Variants in NLRP12 observed in about 807,000 individuals in gnomAD.
NLRP12 encodes NACHT, LRR and PYD domains-containing protein 12.
A neutral mutation model predicts 91.2 loss-of-function variants in NLRP12; 108 were observed. The observed-to-expected ratio is 1.18, with a 90% CI of 1.01 to 1.39. The LOEUF is 1.39. NLRP12 is among the 40% of genes most tolerant of loss of function. The pLI, the probability that NLRP12 is intolerant of heterozygous loss-of-function variation, is 0.00. For missense variants in NLRP12, 1,530 were observed against 1,352.7 expected, an observed-to-expected ratio of 1.13 and a Z score of -2.06; for synonymous variants, 613 against 566.7, an observed-to-expected ratio of 1.08 and a Z score of -1.16.
Position 53,809,963 on chromosome 19 carries a change from GT to G in NLRP12, c.1695del (p.Leu566SerfsTer2), listed in dbSNP as rs767144653. Reference sequence around the variant, plus strand: ...TGGCTCCTGGTCTCCTCGTTCAGGAGTCCAAACAGGAAGCGGCTGGTGAGTG... The same window carrying G: ...TGGCTCCTGGTCTCCTCGTTCAGGAGCCAAACAGGAAGCGGCTGGTGAGTG... Reference protein sequence around the residue: ...FLALTSRFLFGLLNEETRSHL... With the variant: ...FLALTSRFLFXLLNEETRSHL... On this transcript the variant is annotated frameshift_variant, in exon 3 of 10. Coordinates refer to ENST00000324134, the MANE Select transcript of NLRP12 (RefSeq NM_144687.4). LOFTEE classifies it high-confidence loss of function. 1.9e-6 allele frequency: 3 copies of G among 1,614,146 alleles called. 1 individual carries two copies. The highest frequency in any genetic ancestry group is 2.5e-6 in the Non-Finnish European group (3 of 1,180,042).
At chr19:53,799,576 C>T (rs1416355647) in intron 7 of NLRP12, among the ~76,000 whole-genome samples, 8 of 151,618 alleles carry the variant, frequency 5.3e-5, no homozygotes, top group South Asian at 2.1e-4. Context: ...CTCCGGCTCC[C>T]GGGTTCAAGC....
chr19:53,811,436 C>T (rs776324649), intron 2 of NLRP12, 148 bp from the exon 3 acceptor site: 38 of 896,924 alleles, frequency 4.2e-5, no homozygotes, highest in Non-Finnish European at 5.7e-5. Context: ...ATCACTTGAA[C>T]CCCTGAGGTG....
intron 9 of NLRP12, 59 bp from the exon 10 acceptor site, chr19:53,794,195 C>G (rs2091703340): frequency 1.8e-6 from 2 of 1,106,124 alleles, no homozygotes; most frequent in African/African-American, 1.5e-5. Context: ...AATTAATAAG[C>G]CTTAAGTATC....
chr19:53,810,141 A>T lies in NLRP12; in HGVS notation c.1518T>A (p.Cys506Ter), dbSNP rs757697839. Residue 506 changes from cysteine to a stop codon, truncating the protein, a stop_gained, in exon 3 of 10, where the codon TGT becomes TGA. Coordinates refer to ENST00000324134, the MANE Select transcript of NLRP12 (RefSeq NM_144687.4). LOFTEE classifies it high-confidence loss of function. ...NMNIFQKDINCERYYSFIHLS... is the reference protein window; with the variant it reads ...NMNIFQKDIN ...AGTGGATGAAGCTGTAGTACCTCTCACAGTTGATGTCCTTCTGGAAGATGT... is the reference window on the plus strand; with the variant it reads ...AGTGGATGAAGCTGTAGTACCTCTCTCAGTTGATGTCCTTCTGGAAGATGT... 12 of 1,613,996 alleles carry T rather than the reference A, an allele frequency of 7.4e-6. No homozygotes were observed. The Admixed American group carries it at 2.0e-4, about 27-fold the overall frequency.
chr19:53,802,012 G>A (rs2091883582), intron 6 of NLRP12, among the ~76,000 whole-genome samples: 2 of 152,036 alleles, frequency 1.3e-5, no homozygotes, highest in Admixed American at 1.3e-4. Context: ...TGGATCACCT[G>A]AGGTTGGGAG....
chr19:53,807,162 G>T (rs1188908212), intron 4 of NLRP12, among the ~76,000 whole-genome samples: 4 of 151,828 alleles, frequency 2.6e-5, no homozygotes, highest in African/African-American at 9.7e-5. Context: ...CCGCCTCCCA[G>T]GTTCAAGCGA....
chr19:53,809,117 T>A (rs2122649503), intron 3 of NLRP12, among the ~76,000 whole-genome samples: 1 of 151,330 alleles, frequency 6.6e-6, no homozygotes. Flanking sequence ...TCCCAGCTAC[T>A]CAGGAGGCTG....
chr19:53,823,402 A>ATTTAAAATATATATTTAAAATATATT (rs2092290984), intron 1 of NLRP12, among the ~76,000 whole-genome samples: 4 of 132,980 alleles, frequency 3.0e-5, no homozygotes, highest in African/African-American at 8.4e-5. Flanking sequence ...TTAAATATAT[A>ATTTAAAATATATATTTAAAATATATT]TTTAAAATAT....
At chr19:53,815,224 T>TA (rs2092139972) in intron 1 of NLRP12, among the ~76,000 whole-genome samples, 2 of 128,118 alleles carry the variant, frequency 1.6e-5, no homozygotes, top group Non-Finnish European at 3.2e-5. Context: ...ATCCAATCAG[T>TA]CTTTTTTTTT....
Position 53,810,520 on chromosome 19 carries a change from T to C in NLRP12, c.1139A>G (p.Asn380Ser), listed in dbSNP as rs749759858. 3.1e-6 allele frequency: 5 copies of C among 1,614,110 alleles called. No homozygotes were observed. The highest frequency in any genetic ancestry group is 4.2e-6 in the Non-Finnish European group (5 of 1,180,000). Reference protein sequence around the residue: ...RKEYFYKYFHNAEQAGQVFNY... With the variant: ...RKEYFYKYFHSAEQAGQVFNY... ...GAAGACTTGGCCCGCCTGCTCTGCA[T>C]TGTGGAAATACTTGTAGAAGTATTC... is the stretch of plus-strand genomic sequence containing the variant. The change falls in exon 3 of 10, where the codon AAT becomes AGT. Residue 380 changes from asparagine (N) to serine (S), a missense_variant. By Grantham distance (46) the Asn-to-Ser change is conservative. Transcript: ENST00000324134.
In NLRP12 at chr19:53,810,197, C is replaced by A. The variant is rs368949737; in HGVS notation, c.1462G>T (p.Gly488Trp). ...TTGAGGAAGGCAGAGACGTCTTCCC[C>A]GTCTAGGCCGTGCTTCCGGAGGTCC... is the stretch of plus-strand genomic sequence containing the variant. ...EQDLRKHGLDGEDVSAFLNMN... is the reference protein window; with the variant it reads ...EQDLRKHGLDWEDVSAFLNMN... Residue 488 changes from glycine (G) to tryptophan (W), a missense_variant, in exon 3 of 10, where the codon GGG becomes TGG. Transcript: ENST00000324134. 27 of 1,614,060 alleles carry A rather than the reference C, an allele frequency of 1.7e-5. No individual in the cohort carries two copies. The highest frequency in any genetic ancestry group is 6.7e-5 in the African/African-American group (5 of 74,930).
chr19:53,814,814 A>T, intron 2 of NLRP12, 94 bp downstream of exon 2: 2 of 977,564 alleles, frequency 2.0e-6, no homozygotes, highest in Non-Finnish European at 1.7e-6. Context: ...CACCCCACGA[A>T]TTCCTCAATC....
At position 53,807,589 on chromosome 19, in the gene NLRP12, C is replaced by G. The variant is rs1327945391; in HGVS notation, c.2149G>C (p.Glu717Gln). Residue 717 changes from glutamate (E) to glutamine (Q), a missense_variant, in exon 4 of 10, where the codon GAG (glutamate) becomes CAG (glutamine). Physicochemically the swap from Glu to Gln is conservative, Grantham distance 29. Transcript: ENST00000324134. ...AGGGCATTTCGGTACAGAGACAGCT[C>G]TATCAGGTTTGGATTGGTGCACAGG... ...AALCTNPNLI[E>Q]LSLYRNALGS... is the part of the protein sequence containing the mutation. The G allele has an allele frequency of 6.2e-7, 1 of 1,614,114 alleles. No homozygotes were observed. Among genetic ancestry groups the G allele is most frequent in the Admixed American group, 1.7e-5 (1 of 59,982 alleles).
chr19:53,824,270 T>G lies in NLRP12; in HGVS notation c.-96A>C. On this transcript the variant is annotated 5_prime_UTR_variant, in exon 1 of 10. An upstream start codon of the reference 5' UTR is lost. Coordinates refer to ENST00000324134, the MANE Select transcript of NLRP12 (RefSeq NM_144687.4). ...CCCCAGCACACCTTCCATTGCATCA[T>G]TCACAGGCAGCGGGCGGAGAGGCTG... The G allele has an allele frequency of 7.8e-7, 1 of 1,290,178 alleles. No homozygotes were observed. Among genetic ancestry groups the G allele is most frequent in the Non-Finnish European group, 1.1e-6 (1 of 906,756 alleles). The allele number at this position is 1,290,178 out of a possible 1,614,324, so 79.9% of individuals were successfully genotyped here.
Position 53,811,119 on chromosome 19 carries a change from G to T in NLRP12, c.540C>A (p.Gly180=), listed in dbSNP as rs1193752957. ...MQVQQQLLDT[G]RGHARTVGHQ... ...GTCCCACGGTCCTCGCGTGTCCCCG[G>T]CCTGTGTCCAGAAGCTGCTGCTGGA... Residue 180 remains glycine, a synonymous_variant, in exon 3 of 10, where the codon GGC becomes GGA. Coordinates refer to ENST00000324134, the MANE Select transcript of NLRP12 (RefSeq NM_144687.4). The T allele has an allele frequency of 3.1e-6, 5 of 1,613,970 alleles. No individual in the cohort carries two copies. The African/African-American group carries it at 5.3e-5, about 17-fold the overall frequency.
At chr19:53,805,492 G>C (rs377228412) in intron 4 of NLRP12, 42 bp from the exon 5 acceptor site, 6 of 1,599,542 alleles carry the variant, frequency 3.8e-6, no homozygotes, top group Non-Finnish European at 5.1e-6. Flanking sequence ...CATTTCTTTT[G>C]CTCCAGTTTT....
chr19:53,823,447 TA>T (rs1568702835), intron 1 of NLRP12, among the ~76,000 whole-genome samples: 13 of 66,008 alleles, frequency 2.0e-4, no homozygotes, highest in African/African-American at 3.4e-4. Context: ...ATATATGTTT[TA>T]AATATATATT....
At chr19:53,811,358 G>C (rs973646311) in intron 2 of NLRP12, 70 bp from the exon 3 acceptor site, 9 of 1,560,064 alleles carry the variant, frequency 5.8e-6, no homozygotes, top group African/African-American at 2.7e-5. Flanking sequence ...GAGGTAAAGC[G>C]CTCCTCATGT....
intron 4 of NLRP12, among the ~76,000 whole-genome samples, chr19:53,807,142 A>C (rs1474364232): frequency 6.6e-6 from 1 of 151,992 alleles, no homozygotes; most frequent in Non-Finnish European, 1.5e-5. Context: ...ATCCCGGCTC[A>C]CTGCAACCTC....
Sources: gnomAD v4.1 joint callset for allele counts (sites outside exome capture counted in the v4.1 genomes callset) on GRCh38, gnomAD v4.1.1 for gene constraint, MANE v1.5 for transcripts, NCBI Gene and HGNC (gene_info 2026-07-23, HGNC 2026-07-21) for gene names.